HERC2: variants seen among roughly 807,000 people sequenced by gnomAD.
HERC2 encodes the protein HECT and RLD domain containing E3 ubiquitin protein ligase 2, also known as E3 ubiquitin-protein ligase HERC2.
Under a neutral mutation model 537.7 loss-of-function variants are expected in HERC2, and 102 were observed. The observed-to-expected ratio is 0.19, with a 90% CI of 0.16 to 0.22. The LOEUF is 0.22. Ranked by LOEUF, HERC2 falls within the 10% of genes least tolerant of loss-of-function variation. HERC2 has a pLI of 1.00. For synonymous variants in HERC2, 2,224 were observed against 2,466.2 expected, an observed-to-expected ratio of 0.90 and a Z score of 2.91; for missense variants, 4,236 against 6,198.2, an observed-to-expected ratio of 0.68 and a Z score of 10.63.
At chr15:28,316,672 C>T (rs1249817205) in intron 2 of HERC2, among the ~76,000 whole-genome samples, 2 of 152,186 alleles carry the variant, frequency 1.3e-5, no homozygotes, top group African/African-American at 4.8e-5. Flanking sequence ...CCCATGTTTA[C>T]AAATTCTTTT....
chr15:28,304,707 T>G (rs1177376699), intron 2 of HERC2, among the ~76,000 whole-genome samples: 1 of 150,528 alleles, frequency 6.6e-6, no homozygotes, highest in Non-Finnish European at 1.5e-5. Context: ...CTTCCATTTT[T>G]TTTTTTTTTT....
intron 48 of HERC2, among the ~76,000 whole-genome samples, chr15:28,199,534 C>A (rs8042619): frequency 0.13 from 19,831 of 151,986 alleles, 4,314 homozygotes; most frequent in African/African-American, 0.45. Flanking sequence ...GCTTTTTTTC[C>A]CAGAAGAGAA....
chr15:28,207,079 G>C (rs1398485184), intron 44 of HERC2, among the ~76,000 whole-genome samples: 2 of 150,662 alleles, frequency 1.3e-5, no homozygotes, highest in African/African-American at 2.4e-5. Context: ...TCCTTCATTA[G>C]TGCATCTGTC....
intron 78 of HERC2, among the ~76,000 whole-genome samples, chr15:28,139,753 GCTATACTAATCCATTAGAAAACAT>G (rs1891002183): frequency 6.6e-6 from 1 of 152,004 alleles, no homozygotes; most frequent in Non-Finnish European, 1.5e-5. Flanking sequence ...AATCCAACTG[GCTATACTAATCCATTAGAAAACAT>G]TGGCCGGGCA....
At chr15:28,301,863 G>A (rs1341683099) in intron 2 of HERC2, among the ~76,000 whole-genome samples, 7 of 140,940 alleles carry the variant, frequency 5.0e-5, no homozygotes, top group South Asian at 2.3e-4. Flanking sequence ...GCAGTTGTGC[G>A]ATCTCAGCTC....
At chr15:28,222,486 C>G (rs1380646388) in intron 35 of HERC2, among the ~76,000 whole-genome samples, 4 of 152,092 alleles carry the variant, frequency 2.6e-5, no homozygotes, top group African/African-American at 9.7e-5. Flanking sequence ...ATTACTCCCC[C>G]CAAAAAAGCA....
rs201731031 is a variant in HERC2, at chr15:28,278,124, TG to T, written c.542+1943del. Reference sequence around the variant, plus strand: ...AAAAAAAAAAAAAATTGGCCAGGTATGGTGGCTCATGCTTGTAATCCCAGCA... The same window carrying T: ...AAAAAAAAAAAAAATTGGCCAGGTATGTGGCTCATGCTTGTAATCCCAGCA... On this transcript the variant is annotated intron_variant, in intron 5 of 92. Transcript: ENST00000261609. Among the ~76,000 whole-genome samples the T allele has an allele frequency of 8.4e-3, 1,255 of 149,474 alleles. 11 individuals carry two copies. The highest frequency in any genetic ancestry group is 0.013 in the Non-Finnish European group (854 of 67,612).
Position 28,220,561 on chromosome 15 carries a change from G to A in HERC2, c.5736C>T (p.Ser1912=). 6.2e-7 allele frequency: 1 copy of A among 1,601,394 alleles called. No homozygotes were observed. Among genetic ancestry groups the A allele is most frequent in the Non-Finnish European group, 8.5e-7 (1 of 1,179,758 alleles). Residue 1912 remains serine, a synonymous_variant, in exon 37 of 93, where the codon AGC becomes AGT. Transcript: ENST00000261609. ...GWIRVQWDTG[S]TNSYRMGKEG... ...CTTTCCCCATCCTGTAGGAGTTGGT[G>A]CTGCCTGTGTCCCACTGGACTCTTA...
At position 28,202,485 on chromosome 15, in the gene HERC2, C is replaced by G. The variant is rs768726835; in HGVS notation, c.7342G>C (p.Val2448Leu). 37 of 1,441,162 alleles carry G rather than the reference C, an allele frequency of 2.6e-5. No homozygotes were observed. The highest frequency in any genetic ancestry group is 7.3e-5 in the Admixed American group (4 of 54,654). The allele number at this position is 1,441,162 out of a possible 1,614,324, so 89.3% of individuals were successfully genotyped here. A position where few individuals can be genotyped will look rare whatever the true frequency, so the allele number is the denominator to read the frequency against. Reference sequence around the variant, plus strand: ...ACGGGCGACTGCTTGCGCCTCTTCACTCTGGCAGGGCGGATGTGCTGCACG... The same window carrying G: ...ACGGGCGACTGCTTGCGCCTCTTCAGTCTGGCAGGGCGGATGTGCTGCACG... ...VAVQHIRPAR[V>L]KRRKQSPVPA... The change falls in exon 46 of 93, where the codon GTG becomes CTG. Residue 2448 changes from valine (V) to leucine (L), a missense_variant. Transcript: ENST00000261609.
chr15:28,140,016 C>A (rs1346014559), intron 78 of HERC2, among the ~76,000 whole-genome samples: 1 of 150,714 alleles, frequency 6.6e-6, no homozygotes, highest in African/African-American at 2.4e-5. Context: ...TGTAGTGAGC[C>A]GAGACTGTGC....
Position 28,257,226 on chromosome 15 carries a change from A to C in HERC2, c.2352T>G (p.Ile784Met). Reference protein sequence around the residue: ...FAWSSCSEWSIGLRVPFVVDI... With the variant: ...FAWSSCSEWSMGLRVPFVVDI... ...CCACCACAAAAGGGACACGGAGGCC[A>C]ATGGACCACTCAGAACATGATGACC... is the stretch of plus-strand genomic sequence containing the variant. Residue 784 changes from isoleucine to methionine, a missense_variant, in exon 17 of 93, where the codon ATT becomes ATG. Around this residue, in one of 27 missense-constraint regions of HERC2, gnomAD observed 754 missense variants for 1,085.0 expected, o/e 0.69. Transcript: ENST00000261609. 1.2e-6 allele frequency: 2 copies of C among 1,613,990 alleles called. No individual in the cohort carries two copies. The highest frequency in any genetic ancestry group is 1.7e-6 in the Non-Finnish European group (2 of 1,179,862).
intron 68 of HERC2, among the ~76,000 whole-genome samples, chr15:28,164,928 TATAA>T (rs1893977377): frequency 6.6e-6 from 1 of 152,246 alleles, no homozygotes; most frequent in African/African-American, 2.4e-5. Flanking sequence ...CATGGATGGT[TATAA>T]ATAATTTCTG....
chr15:28,259,840 C>T lies in HERC2; in HGVS notation c.2316+937G>A, dbSNP rs573495250. ...AAAATTAGCCAGGCATGGTAGTGCA[C>T]ACCTATAATCCCAGCTACTCAGGAG... is the stretch of plus-strand genomic sequence containing the variant. On this transcript the variant is annotated intron_variant, in intron 16 of 92. Transcript: ENST00000261609. Among the ~76,000 whole-genome samples, 18 of 151,184 alleles carry T rather than the reference C, an allele frequency of 1.2e-4. No individual in the cohort carries two copies. In the South Asian group the frequency reaches 3.8e-3, roughly 32 times the overall value.
chr15:28,235,872 A>G (rs1902384117), intron 26 of HERC2, among the ~76,000 whole-genome samples: 1 of 152,228 alleles, frequency 6.6e-6, no homozygotes, highest in Non-Finnish European at 1.5e-5. Flanking sequence ...ATGGACAGAC[A>G]GACAGATGGG....
intron 6 of HERC2, 142 bp from the exon 7 acceptor site, chr15:28,274,589 G>C: frequency 1.2e-6 from 1 of 825,340 alleles, no homozygotes; most frequent in Non-Finnish European, 1.9e-6. Flanking sequence ...AGCTGCTCCA[G>C]TCAATTCTGT....
chr15:28,314,579 C>T (rs2077032004), intron 2 of HERC2, among the ~76,000 whole-genome samples: 1 of 151,934 alleles, frequency 6.6e-6, no homozygotes, highest in Non-Finnish European at 1.5e-5. Flanking sequence ...ATATGTCAGC[C>T]AAGCACGGTG....
At chr15:28,290,334 C>T (rs2076278734) in intron 4 of HERC2, among the ~76,000 whole-genome samples, 1 of 151,928 alleles carries the variant, frequency 6.6e-6, no homozygotes, top group Non-Finnish European at 1.5e-5. Context: ...CTCGCTTTGT[C>T]ACCCAGACTA....
chr15:28,246,865 T>C lies in HERC2; in HGVS notation c.3268A>G (p.Lys1090Glu). 6.2e-7 allele frequency: 1 copy of C among 1,610,656 alleles called. No homozygotes were observed. The highest frequency in any genetic ancestry group is 8.5e-7 in the Non-Finnish European group (1 of 1,178,866). ...PELMGVGSLL[K>E]KYTALLCTHI... is the part of the protein sequence containing the mutation. ...GTGCACAGGAGGGCTGTGTACTTCT[T>C]CAGCAAGGAACCAACACCCATTAGC... Residue 1090 changes from lysine (K) to glutamate (E), a missense_variant, in exon 22 of 93, where the codon AAG (lysine) becomes GAG (glutamate). This residue lies in a region of HERC2 where 754 missense variants were observed against 1,085.0 expected (regional missense o/e 0.69). Transcript: ENST00000261609.
At chr15:28,240,340 C>A (rs1902966226) in intron 23 of HERC2, among the ~76,000 whole-genome samples, 1 of 152,158 alleles carries the variant, frequency 6.6e-6, no homozygotes, top group Admixed American at 6.5e-5. Flanking sequence ...ATGGCATGAA[C>A]CTGGGAGACA....
Sources: allele counts gnomAD v4.1 joint callset (sites outside exome capture counted in the v4.1 genomes callset), GRCh38; gene constraint gnomAD v4.1.1; regional missense constraint gnomAD v4.1.1; transcripts MANE v1.5; gene names NCBI Gene and HGNC (gene_info 2026-07-23, HGNC 2026-07-21).